ITPRID1: variants seen among roughly 807,000 people sequenced by gnomAD.
ITPRID1 encodes protein ITPRID1.
ITPRID1 carries 96 observed loss-of-function variants against 95.4 expected under a neutral mutation model. The ratio of observed to expected loss-of-function variants is 1.01; its 90% confidence interval spans 0.85 to 1.19. The LOEUF is 1.19. ITPRID1 is among the 50% of genes most tolerant of loss of function. The pLI, the probability that ITPRID1 is intolerant of heterozygous loss-of-function variation, is 0.00. For missense variants in ITPRID1, 1,339 were observed against 1,252.9 expected, an observed-to-expected ratio of 1.07 and a Z score of -1.04; for synonymous variants, 510 against 453.6, an observed-to-expected ratio of 1.12 and a Z score of -1.58.
chr7:31,602,853 C>T (rs541616925), intron 10 of ITPRID1, among the ~76,000 whole-genome samples: 1 of 152,140 alleles, frequency 6.6e-6, no homozygotes, highest in South Asian at 2.1e-4. Flanking sequence ...TTATTTTGTT[C>T]ACAAGCAGGG....
At chr7:31,580,495 G>C (rs913100839) in intron 9 of ITPRID1, among the ~76,000 whole-genome samples, 3 of 151,940 alleles carry the variant, frequency 2.0e-5, no homozygotes, top group Admixed American at 2.0e-4. Flanking sequence ...TATAGGGATA[G>C]ACAAACATCA....
At chr7:31,573,708 G>A (rs1446581234) in intron 7 of ITPRID1, among the ~76,000 whole-genome samples, 1 of 151,732 alleles carries the variant, frequency 6.6e-6, no homozygotes. Context: ...TCCTGGGTTA[G>A]CTCAGTAACT....
intron 1 of ITPRID1, among the ~76,000 whole-genome samples, chr7:31,520,142 T>A (rs1000825491): frequency 6.6e-6 from 1 of 152,020 alleles, no homozygotes; most frequent in African/African-American, 2.4e-5. Context: ...ATTTGTCTGG[T>A]GTTTTTCTTA....
chr7:31,649,210 T>C (rs1352496837), intron 12 of ITPRID1, among the ~76,000 whole-genome samples: 1 of 152,198 alleles, frequency 6.6e-6, no homozygotes, highest in Non-Finnish European at 1.5e-5. Flanking sequence ...AAAACATTAC[T>C]CTTAGGAAAG....
intron 10 of ITPRID1, among the ~76,000 whole-genome samples, chr7:31,625,618 GT>G (rs1788382566): frequency 6.6e-6 from 1 of 151,852 alleles, no homozygotes; most frequent in Non-Finnish European, 1.5e-5. Flanking sequence ...TCTGGGGACT[GT>G]TGTGGGGTGG....
intron 1 of ITPRID1, among the ~76,000 whole-genome samples, chr7:31,537,145 A>G (rs1283977914): frequency 6.8e-6 from 1 of 146,146 alleles, no homozygotes; most frequent in African/African-American, 2.6e-5. Flanking sequence ...TTCCCCTTCC[A>G]AAGACACTGC....
chr7:31,617,355 T>C (rs1787350905), intron 10 of ITPRID1, among the ~76,000 whole-genome samples: 1 of 152,206 alleles, frequency 6.6e-6, no homozygotes, highest in Non-Finnish European at 1.5e-5. Flanking sequence ...AATTTTAGAT[T>C]GCCAAAGGTA....
downstream of ITPRID1, chr7:31,658,304 T>TC (rs1791386834): frequency 6.6e-7 from 1 of 1,520,170 alleles, no homozygotes; most frequent in Admixed American, 2.1e-5. Flanking sequence ...GATCCCTTTT[T>TC]TTTTTCTTCA....
At chr7:31,622,867 T>A (rs1256864132) in intron 10 of ITPRID1, among the ~76,000 whole-genome samples, 1 of 152,020 alleles carries the variant, frequency 6.6e-6, no homozygotes, top group Non-Finnish European at 1.5e-5. Flanking sequence ...CTAGCAAGAC[T>A]AATAAAGAAG....
At chr7:31,618,983 C>A (rs1005203592) in intron 10 of ITPRID1, among the ~76,000 whole-genome samples, 5 of 152,268 alleles carry the variant, frequency 3.3e-5, no homozygotes, top group Middle Eastern at 3.4e-3. Context: ...CTGTGGAAGA[C>A]CTGATTCTTC....
intron 8 of ITPRID1, among the ~76,000 whole-genome samples, chr7:31,576,290 T>G (rs1169204028): frequency 6.6e-6 from 1 of 152,186 alleles, no homozygotes; most frequent in South Asian, 2.1e-4. Context: ...ATACAAATGT[T>G]TAAACTTGGG....
chr7:31,605,266 G>T (rs1328048842), intron 10 of ITPRID1, among the ~76,000 whole-genome samples: 1 of 152,182 alleles, frequency 6.6e-6, no homozygotes, highest in African/African-American at 2.4e-5. Flanking sequence ...GGGAGGCAAA[G>T]CTGATGTATT....
intron 10 of ITPRID1, among the ~76,000 whole-genome samples, chr7:31,612,162 A>C (rs1786897665): frequency 6.6e-6 from 1 of 151,994 alleles, no homozygotes; most frequent in Admixed American, 6.6e-5. Flanking sequence ...TATTTAAATT[A>C]CCATATTTTG....
intron 9 of ITPRID1, among the ~76,000 whole-genome samples, chr7:31,581,210 A>G (rs1474641543): frequency 2.0e-5 from 3 of 152,200 alleles, no homozygotes; most frequent in Non-Finnish European, 2.9e-5. Context: ...TGATTGGCCA[A>G]ATTTTGCCTC....
intron 5 of ITPRID1, among the ~76,000 whole-genome samples, chr7:31,566,777 T>C (rs1784815700): frequency 6.6e-6 from 1 of 152,138 alleles, no homozygotes; most frequent in South Asian, 2.1e-4. Context: ...CTTCAATCAA[T>C]TGGCAGTGGT....
intron 1 of ITPRID1, among the ~76,000 whole-genome samples, chr7:31,545,711 A>G (rs937767779): frequency 1.3e-5 from 2 of 152,032 alleles, no homozygotes; most frequent in Admixed American, 1.3e-4. Flanking sequence ...AGGAGTGAGC[A>G]CCCTTCACAT....
At chr7:31,561,520 C>T (rs572388559) in intron 5 of ITPRID1, among the ~76,000 whole-genome samples, 1 of 152,194 alleles carries the variant, frequency 6.6e-6, no homozygotes, top group Non-Finnish European at 1.5e-5. Flanking sequence ...ATGACAGATG[C>T]CTTCCTGTGC....
intron 5 of ITPRID1, chr7:31,555,136 G>A: frequency 2.1e-6 from 1 of 469,438 alleles, no homozygotes; most frequent in Non-Finnish European, 3.8e-6. Flanking sequence ...ATCATCAATG[G>A]CTCAGAGTAT....
chr7:31,617,372 C>T (rs1401605037), intron 10 of ITPRID1, among the ~76,000 whole-genome samples: 1 of 152,044 alleles, frequency 6.6e-6, no homozygotes, highest in African/African-American at 2.4e-5. Context: ...GGTATCATAC[C>T]TCTATGTAGT....
Sources: allele counts gnomAD v4.1 joint callset (sites outside exome capture counted in the v4.1 genomes callset), GRCh38; gene constraint gnomAD v4.1.1; transcripts MANE v1.5; gene names NCBI Gene and HGNC (gene_info 2026-07-23, HGNC 2026-07-21).